The following SIPA1L1 variants were observed in gnomAD, a reference collection of about 807,000 sequenced individuals.
SIPA1L1 encodes signal-induced proliferation-associated 1-like protein 1.
Under a neutral mutation model 162.7 loss-of-function variants are expected in SIPA1L1, and 26 were observed. That is an observed-to-expected ratio of 0.16 (90% confidence interval 0.12 to 0.22). The LOEUF (loss-of-function observed/expected upper bound fraction) is 0.22. SIPA1L1 is among the 10% of genes least tolerant of loss of function. The probability of loss-of-function intolerance (pLI) is 1.00; values close to 1 mark genes in which losing one functional copy is unlikely to be tolerated. For missense variants in SIPA1L1, 1,874 were observed against 2,241.0 expected (o/e 0.84, Z 3.31); for synonymous variants, 829 against 837.4 (o/e 0.99, Z 0.17).
chr14:71,632,340 CAAA>C (rs1326398505), intron 7 of SIPA1L1, among the ~76,000 whole-genome samples: 1 of 152,114 alleles, frequency 6.6e-6, no homozygotes, highest in Non-Finnish European at 1.5e-5. Context: ...TAGGCACAGC[CAAA>C]ATGTCCCCCA....
intron 12 of SIPA1L1, among the ~76,000 whole-genome samples, chr14:71,682,173 G>A (rs1028431803): frequency 3.9e-5 from 6 of 152,182 alleles, no homozygotes; most frequent in Admixed American, 6.5e-5. Flanking sequence ...CTACAAAGTG[G>A]GGATAATGAT....
intron 7 of SIPA1L1, among the ~76,000 whole-genome samples, chr14:71,635,006 G>A (rs1037644293): frequency 4.6e-5 from 7 of 151,938 alleles, no homozygotes; most frequent in Non-Finnish European, 7.4e-5. Context: ...GGGAGGGCAC[G>A]GTGGCTCACA....
intron 3 of SIPA1L1, among the ~76,000 whole-genome samples, chr14:71,523,447 C>T (rs1032327080): frequency 1.3e-5 from 2 of 151,652 alleles, no homozygotes; most frequent in Non-Finnish European, 2.9e-5. Flanking sequence ...CCACCTTTCC[C>T]AAATGTTAAT....
chr14:71,379,225 C>G (rs972748229), intron 2 of SIPA1L1, among the ~76,000 whole-genome samples: 4 of 151,010 alleles, frequency 2.6e-5, no homozygotes, highest in Non-Finnish European at 5.9e-5. Flanking sequence ...CTGTCATGTT[C>G]TTTGTTGTCA....
Position 71,671,435 on chromosome 14 carries a change from G to A in SIPA1L1, c.2572G>A (p.Ala858Thr), listed in dbSNP as rs771200523. Residue 858 changes from alanine (A) to threonine (T), a missense_variant, in exon 11 of 24, where the codon GCC becomes ACC. By Grantham distance (58) the Ala-to-Thr change is moderately conservative. Coordinates refer to ENST00000381232, the MANE Select transcript of SIPA1L1 (RefSeq NM_001386936.1). ...YPGAELSSMGAIVWAVRAEDY... is the reference protein window; with the variant it reads ...YPGAELSSMGTIVWAVRAEDY... ...AGGAGCCGAGCTCAGCAGCATGGGG[G>A]CCATTGTATGGGCAGTCCGGGCTGA... 9.3e-6 allele frequency: 15 copies of A among 1,614,042 alleles called. No individual in the cohort carries two copies. Among genetic ancestry groups the A allele is most frequent in the African/African-American group, 1.3e-5 (1 of 74,918 alleles).
At chr14:71,516,596 A>C (rs1349749972) in intron 3 of SIPA1L1, among the ~76,000 whole-genome samples, 1 of 152,102 alleles carries the variant, frequency 6.6e-6, no homozygotes, top group African/African-American at 2.4e-5. Context: ...TGTATTGCCC[A>C]GGCTGGGCTC....
At chr14:71,730,375 C>T in intron 20 of SIPA1L1, 74 bp downstream of exon 20, 3 of 1,548,724 alleles carry the variant, frequency 1.9e-6, no homozygotes, top group Non-Finnish European at 8.8e-7. Context: ...GGCTGCCACT[C>T]ATGTGCTCAG....
intron 2 of SIPA1L1, among the ~76,000 whole-genome samples, chr14:71,375,232 C>T (rs1207417528): frequency 2.6e-5 from 4 of 152,072 alleles, no homozygotes. Flanking sequence ...TGGGGATTCT[C>T]TTGGGCTTTT....
intron 7 of SIPA1L1, among the ~76,000 whole-genome samples, chr14:71,638,758 A>ATCAT (rs1445035764): frequency 5.3e-5 from 8 of 152,234 alleles, no homozygotes; most frequent in Non-Finnish European, 1.2e-4. Context: ...ACCCTAAGGA[A>ATCAT]TCTATAGATA....
intron 6 of SIPA1L1, among the ~76,000 whole-genome samples, chr14:71,620,669 A>G (rs578118811): frequency 1.2e-3 from 175 of 152,162 alleles, no homozygotes; most frequent in African/African-American, 3.8e-3. Flanking sequence ...CCTTCTCAGC[A>G]TGTCTTGCAG....
At position 71,587,824 on chromosome 14, in the gene SIPA1L1, G is replaced by C. The variant is rs778927559; in HGVS notation, c.-49G>C. On this transcript the variant is annotated 5_prime_UTR_variant, in exon 5 of 24. Coordinates refer to ENST00000381232, the MANE Select transcript of SIPA1L1 (RefSeq NM_001386936.1). ...AAGGGAAGTGCACATTTAAAACACAGATATGATGGTCCTTGCTGCAGGGAT... is the reference window on the plus strand; with the variant it reads ...AAGGGAAGTGCACATTTAAAACACACATATGATGGTCCTTGCTGCAGGGAT... 2.0e-6 allele frequency: 3 copies of C among 1,537,780 alleles called. No homozygotes were observed. In the Admixed American group the frequency reaches 5.6e-5, roughly 29 times the overall value.
At chr14:71,404,515 C>T (rs964255100) in intron 2 of SIPA1L1, among the ~76,000 whole-genome samples, 4 of 152,214 alleles carry the variant, frequency 2.6e-5, no homozygotes, top group African/African-American at 9.6e-5. Flanking sequence ...CCGCACTGCA[C>T]TCCAGCCTGG....
chr14:71,612,562 C>T (rs528891635), intron 5 of SIPA1L1, among the ~76,000 whole-genome samples: 55 of 152,202 alleles, frequency 3.6e-4, no homozygotes, highest in Non-Finnish European at 6.8e-4. Context: ...TCAGATTATG[C>T]TATAGATGTC....
chr14:71,734,800 C>G (rs2085135606), intron 21 of SIPA1L1, among the ~76,000 whole-genome samples: 1 of 152,126 alleles, frequency 6.6e-6, no homozygotes, highest in African/African-American at 2.4e-5. Flanking sequence ...ATTTAGTTTT[C>G]TTGGCTTAAA....
At chr14:71,574,494 A>G (rs546540130) in intron 4 of SIPA1L1, 1 of 152,270 alleles carries the variant, frequency 6.6e-6, no homozygotes, top group Non-Finnish European at 1.5e-5. Flanking sequence ...AAATTCTGAC[A>G]TTGCAAAAAC....
At chr14:71,452,794 G>A (rs1384248637) in intron 2 of SIPA1L1, among the ~76,000 whole-genome samples, 2 of 152,184 alleles carry the variant, frequency 1.3e-5, no homozygotes, top group East Asian at 1.9e-4. Context: ...GAGGACTAGT[G>A]CTTTGACCTC....
chr14:71,435,939 T>C (rs916580325), intron 2 of SIPA1L1, among the ~76,000 whole-genome samples: 29 of 152,206 alleles, frequency 1.9e-4, no homozygotes, highest in Non-Finnish European at 3.7e-4. Flanking sequence ...ATGATGAGCA[T>C]TTTTTCATGT....
chr14:71,608,160 T>A (rs2037751470), intron 5 of SIPA1L1, among the ~76,000 whole-genome samples: 1 of 152,170 alleles, frequency 6.6e-6, no homozygotes, highest in Admixed American at 6.5e-5. Flanking sequence ...TCAAGTCAAG[T>A]CTGAGAGAAG....
intron 12 of SIPA1L1, among the ~76,000 whole-genome samples, chr14:71,679,698 C>G (rs1414851002): frequency 6.6e-6 from 1 of 152,114 alleles, no homozygotes; most frequent in Non-Finnish European, 1.5e-5. Context: ...ATCTCATGTG[C>G]AGAGACACAC....
Sources: allele counts gnomAD v4.1 joint callset (sites outside exome capture counted in the v4.1 genomes callset), GRCh38; gene constraint gnomAD v4.1.1; transcripts MANE v1.5; gene names NCBI Gene and HGNC (gene_info 2026-07-23, HGNC 2026-07-21).